The following RMDN3 variants were observed in gnomAD, a reference collection of about 807,000 sequenced individuals.
RMDN3 encodes regulator of microtubule dynamics 3, also known as regulator of microtubule dynamics protein 3.
RMDN3 carries 41 observed loss-of-function variants against 61.8 expected under a neutral mutation model. The observed-to-expected ratio is 0.66, with a 90% CI of 0.52 to 0.86. The LOEUF (loss-of-function observed/expected upper bound fraction) is 0.86. Among genes scored for constraint, RMDN3 ranks in the 40% least tolerant of loss-of-function variants. The probability of loss-of-function intolerance (pLI) is 0.00; values close to 1 mark genes in which losing one functional copy is unlikely to be tolerated. For missense variants in RMDN3, 557 were observed against 585.3 expected, an observed-to-expected ratio of 0.95 and a Z score of 0.50; for synonymous variants, 247 against 232.0, an observed-to-expected ratio of 1.06 and a Z score of -0.59.
intron 8 of RMDN3, 77 bp downstream of exon 8, chr15:40,738,423 GT>G: frequency 2.8e-6 from 4 of 1,454,496 alleles, no homozygotes; most frequent in Non-Finnish European, 3.8e-6. Flanking sequence ...CTGTAGAAAA[GT>G]TTTTGGCAGG....
chr15:40,754,280 C>A lies in RMDN3; in HGVS notation c.187+317G>T, dbSNP rs142657454. Among the ~76,000 whole-genome samples the A allele has an allele frequency of 6.5e-3, 983 of 152,172 alleles. 14 individuals carry two copies. The highest frequency in any genetic ancestry group is 0.022 in the African/African-American group (929 of 41,498). The stretch of plus-strand genomic sequence containing the variant: ...CCAGTAGCTGGGACTACAGGCCGCG[C>A]CACCACGCCCGGCTAATTTTTGTAT... On this transcript the variant is annotated intron_variant, in intron 2 of 12. Transcript: ENST00000338376.
At chr15:40,737,930 A>G in intron 9 of RMDN3, 35 bp downstream of exon 9, 2 of 1,608,462 alleles carry the variant, frequency 1.2e-6, no homozygotes, top group South Asian at 1.1e-5. Flanking sequence ...GAAGGCATTT[A>G]GGACCATTAT....
Position 40,744,145 on chromosome 15 carries a change from C to T in RMDN3, c.812G>A (p.Gly271Glu), listed in dbSNP as rs747311347. Residue 271 changes from glycine (G) to glutamate (E), a missense_variant, in exon 6 of 13, where the codon GGA becomes GAA. Transcript: ENST00000338376. ...QLLLNNKLVY[G>E]SRQDFLWRLA... ...GCGCCAGAGAAAGTCCTGCCGGCTTCCATACTGCAGACCAGACAGAAACGG... is the reference window on the plus strand; with the variant it reads ...GCGCCAGAGAAAGTCCTGCCGGCTTTCATACTGCAGACCAGACAGAAACGG... 3.1e-6 allele frequency: 5 copies of T among 1,613,324 alleles called. No homozygotes were observed. In the Admixed American group the frequency reaches 8.3e-5, roughly 27 times the overall value.
intron 4 of RMDN3, among the ~76,000 whole-genome samples, chr15:40,748,324 A>G (rs1210963806): frequency 2.0e-5 from 3 of 152,188 alleles, no homozygotes; most frequent in Non-Finnish European, 4.4e-5. Flanking sequence ...CCATGGCACA[A>G]AGAATCATTC....
chr15:40,745,341 A>G, intron 4 of RMDN3, 82 bp from the exon 5 acceptor site: 1 of 1,355,702 alleles, frequency 7.4e-7, no homozygotes, highest in Non-Finnish European at 1.0e-6. Context: ...CCCCCAAAGA[A>G]GCACTCTACA....
chr15:40,741,619 G>GTTTTTTTTTT (rs1333820266), intron 6 of RMDN3, among the ~76,000 whole-genome samples: 4 of 60,990 alleles, frequency 6.6e-5, no homozygotes, highest in Non-Finnish European at 1.4e-4. Context: ...TGCAACATAG[G>GTTTTTTTTTT]ATTTTTTTTT....
rs1897962552 is a variant in RMDN3, at chr15:40,754,627, A to C, written c.157T>G (p.Tyr53Asp). The change falls in exon 2 of 13, where the codon TAT (tyrosine) becomes GAT (aspartate). Residue 53 changes from tyrosine (Y) to aspartate (D), a missense_variant. By Grantham distance (160) the Tyr-to-Asp change is radical (BLOSUM62 -3). Transcript: ENST00000338376. ...RSQSLPNSLDYTQTSDPGRHV... is the reference protein window; with the variant it reads ...RSQSLPNSLDDTQTSDPGRHV... The stretch of plus-strand genomic sequence containing the variant: ...CGTCCGGGATCTGAAGTCTGCGTAT[A>C]GTCCAGGGAGTTGGGCAGGCTCTGG... 2 of 1,613,824 alleles carry C rather than the reference A, an allele frequency of 1.2e-6. No individual in the cohort carries two copies. The highest frequency in any genetic ancestry group is 2.2e-5 in the South Asian group (2 of 91,054).
rs553262858 is a variant in RMDN3 at position 40,741,620 on chromosome 15, A to ATTTTTTTTTTTTTTTTTTT, written c.911-1446_911-1428dup. On this transcript the variant is annotated intron_variant, in intron 6 of 12. Transcript: ENST00000338376. Reference sequence around the variant, plus strand: ...ACTGGAGAAGACACTGCAACATAGGATTTTTTTTTTTTTTTTTTTTTTTTT... The same window carrying ATTTTTTTTTTTTTTTTTTT: ...ACTGGAGAAGACACTGCAACATAGGATTTTTTTTTTTTTTTTTTTTTTTTTTTTTTTTTTTTTTTTTTTT... 1.4e-3 allele frequency among the ~76,000 whole-genome samples: 104 copies of ATTTTTTTTTTTTTTTTTTT among 71,728 alleles called. 23 individuals are homozygous for ATTTTTTTTTTTTTTTTTTT. The highest frequency in any genetic ancestry group is 1.0e-2 in the East Asian group (16 of 1,606). The allele number at this position is 71,728 out of a possible 152,430, so 47.1% of individuals were successfully genotyped here.
Position 40,744,964 on chromosome 15 carries a change from G to C in RMDN3, c.807+13C>G. ...GGAGGGAAGGAGAAGGAGACAGGCAGCTGGAGCCTCACCACCAGCTTGTTG... is the reference window on the plus strand; with the variant it reads ...GGAGGGAAGGAGAAGGAGACAGGCACCTGGAGCCTCACCACCAGCTTGTTG... On this transcript the variant is annotated intron_variant, in intron 5 of 12. Coordinates refer to ENST00000338376, the MANE Select transcript of RMDN3 (RefSeq NM_018145.3). 1 of 1,582,836 alleles carries C rather than the reference G, an allele frequency of 6.3e-7. No individual in the cohort carries two copies.
At chr15:40,744,509 G>T (rs1014028042) in intron 5 of RMDN3, among the ~76,000 whole-genome samples, 1 of 151,458 alleles carries the variant, frequency 6.6e-6, no homozygotes, top group Non-Finnish European at 1.5e-5. Context: ...CTGGGGGGGG[G>T]GCATTTATAC....
chr15:40,754,741 C>T lies in RMDN3; in HGVS notation c.43G>A (p.Gly15Arg). The T allele has an allele frequency of 6.2e-7, 1 of 1,612,774 alleles. No individual in the cohort carries two copies. The highest frequency in any genetic ancestry group is 8.5e-7 in the Non-Finnish European group (1 of 1,179,640). The change falls in exon 2 of 13, where the codon GGA becomes AGA. Residue 15 changes from glycine to arginine, a missense_variant. Transcript: ENST00000338376. Reference sequence around the variant, plus strand: ...CCGGCGGCGGTACCCAGCAACAGTCCCAGCCCGGCACGGGCACCACCCAGG... The same window carrying T: ...CCGGCGGCGGTACCCAGCAACAGTCTCAGCCCGGCACGGGCACCACCCAGG... ...GALGGARAGL[G>R]LLLGTAAGLG...
At chr15:40,739,999 T>G in intron 7 of RMDN3, 134 bp downstream of exon 7, 1 of 681,408 alleles carries the variant, frequency 1.5e-6, no homozygotes, top group Non-Finnish European at 2.7e-6. Flanking sequence ...CTGAGGCATG[T>G]GGAGATACAA....
chr15:40,747,437 C>G (rs1897621052), intron 4 of RMDN3, among the ~76,000 whole-genome samples: 1 of 152,214 alleles, frequency 6.6e-6, no homozygotes, highest in African/African-American at 2.4e-5. Context: ...TTAATTGCAT[C>G]TCAGCCCCAC....
chr15:40,745,180 A>G lies in RMDN3; in HGVS notation c.604T>C (p.Cys202Arg). The change falls in exon 5 of 13, where the codon TGT (cysteine) becomes CGT (arginine). Residue 202 changes from cysteine (C) to arginine (R), a missense_variant. By Grantham distance (180) the Cys-to-Arg change is radical. Transcript: ENST00000338376. Reference sequence around the variant, plus strand: ...TTTCTCCCCATCTTCACAGTCTCACAGCTCACTTCATCTTCCCCGTCCTCA... The same window carrying G: ...TTTCTCCCCATCTTCACAGTCTCACGGCTCACTTCATCTTCCCCGTCCTCA... ...ESEDGEDEVSCETVKMGRKDS... is the reference protein window; with the variant it reads ...ESEDGEDEVSRETVKMGRKDS... The G allele has an allele frequency of 6.2e-7, 1 of 1,614,094 alleles. No individual in the cohort carries two copies. Among genetic ancestry groups the G allele is most frequent in the Non-Finnish European group, 8.5e-7 (1 of 1,180,008 alleles).
rs1199078201 is a variant in RMDN3 at position 40,745,235 on chromosome 15, A to G, written c.549T>C (p.Ser183=). ...EGGYTTANAE[S]DNERDSDKES... is the part of the protein sequence containing the mutation. ...CTTTGTCAGAGTCCCGCTCATTGTCAGACTCCGCATTGGCTGTTGTGTAAC... is the reference window on the plus strand; with the variant it reads ...CTTTGTCAGAGTCCCGCTCATTGTCGGACTCCGCATTGGCTGTTGTGTAAC... The change falls in exon 5 of 13, where the codon TCT becomes TCC. Residue 183 remains serine, a synonymous_variant. Coordinates refer to ENST00000338376, the MANE Select transcript of RMDN3 (RefSeq NM_018145.3). 1 of 1,613,796 alleles carries G rather than the reference A, an allele frequency of 6.2e-7. No homozygotes were observed. The highest frequency in any genetic ancestry group is 1.3e-5 in the African/African-American group (1 of 74,870).
chr15:40,749,710 G>A (rs1897732240), intron 4 of RMDN3, among the ~76,000 whole-genome samples: 2 of 152,062 alleles, frequency 1.3e-5, no homozygotes, highest in Admixed American at 6.5e-5. Flanking sequence ...CTACTTCCTC[G>A]GTCTCTCTCT....
rs756916329 is a variant in RMDN3, at chr15:40,744,242, C to T, written c.808-93G>A. On this transcript the variant is annotated intron_variant, in intron 5 of 12. Transcript: ENST00000338376. ...TCCCCCACACCCTAGGTTTGAATTT[C>T]CAAGCTAGTATGTTACAGTCATCAA... 7 of 1,178,432 alleles carry T rather than the reference C, an allele frequency of 5.9e-6. No homozygotes were observed. In the Middle Eastern group the frequency reaches 5.7e-4, roughly 96 times the overall value. 73.0% of individuals were successfully genotyped at this position (1,178,432 alleles called of 1,614,324 possible).
At chr15:40,748,907 A>AT (rs60673924) in intron 4 of RMDN3, among the ~76,000 whole-genome samples, 76,260 of 140,256 alleles carry the variant, frequency 0.54, 20,237 homozygotes, top group East Asian at 0.77. Context: ...AGCCTCAGTA[A>AT]TTTTTTTTTT....
chr15:40,739,216 T>TCCC (rs1378983987), intron 7 of RMDN3: 1 of 151,734 alleles, frequency 6.6e-6, no homozygotes. Flanking sequence ...TACTTCCCCA[T>TCCC]CCCCCCAGCA....
Sources: allele counts gnomAD v4.1 joint callset (sites outside exome capture counted in the v4.1 genomes callset), GRCh38; gene constraint gnomAD v4.1.1; transcripts MANE v1.5; gene names NCBI Gene and HGNC (gene_info 2026-07-23, HGNC 2026-07-21).